Variants in CEP44 observed in about 807,000 individuals in gnomAD.
The protein encoded by CEP44 is centrosomal protein 44, also known as centrosomal protein of 44 kDa.
Under a neutral mutation model 46.7 loss-of-function variants are expected in CEP44, and 45 were observed. The ratio of observed to expected loss-of-function variants is 0.96; its 90% confidence interval spans 0.76 to 1.24. The LOEUF (loss-of-function observed/expected upper bound fraction) is 1.24, where lower values mean the gene tolerates loss of function less well. Ranked by LOEUF, CEP44 falls within the 50% of genes most tolerant of loss-of-function variation. The probability of loss-of-function intolerance (pLI) is 0.00; values close to 1 mark genes in which losing one functional copy is unlikely to be tolerated. For synonymous variants in CEP44, 142 were observed against 146.0 expected, an observed-to-expected ratio of 0.97 and a Z score of 0.20; for missense variants, 475 against 459.7, an observed-to-expected ratio of 1.03 and a Z score of -0.30.
At chr4:174,316,416 A>C in intron 10 of CEP44, 114 bp from the exon 11 acceptor site, 1 of 1,362,454 alleles carries the variant, frequency 7.3e-7, no homozygotes, top group Non-Finnish European at 1.0e-6. Context: ...ATTCTTTCAT[A>C]AGTAAACAGT....
At chr4:174,322,097 A>C (rs1742357357), downstream of CEP44, among the ~76,000 whole-genome samples, 1 of 152,174 alleles carries the variant, frequency 6.6e-6, no homozygotes, top group South Asian at 2.1e-4. Flanking sequence ...AGGACTTTTA[A>C]ATGAAGATCA....
In CEP44 at chr4:174,331,684, G is replaced by T; in HGVS notation, c.*89G>T. On this transcript the variant is annotated 3_prime_UTR_variant, in exon 9 of 9. Coordinates refer to the CEP44 transcript ENST00000426172. This position sits in a 1 kb window ranked among gnomAD's most constrained non-coding sequence, Gnocchi z 4.5. ...ATCCACGAAGTCCAGAATTCTGCCT[G>T]GAAACCAGCTTCCTCCTCAGCTCCA... is the stretch of plus-strand genomic sequence containing the variant. 1 of 1,459,322 alleles carries T rather than the reference G, an allele frequency of 6.9e-7. No individual in the cohort carries two copies. The highest frequency in any genetic ancestry group is 1.4e-5 in the South Asian group (1 of 69,784). The allele number at this position is 1,459,322 out of a possible 1,614,324, so 90.4% of individuals were successfully genotyped here. A position where few individuals can be genotyped will look rare whatever the true frequency, so the allele number is the denominator to read the frequency against.
intron 6 of CEP44, among the ~76,000 whole-genome samples, chr4:174,307,977 G>A (rs529611077): frequency 6.6e-6 from 1 of 152,068 alleles, no homozygotes; most frequent in Admixed American, 6.6e-5. Flanking sequence ...GTGAGTTTGT[G>A]GAAGAAAAGG....
chr4:174,324,510 A>G (rs1333894610), downstream of CEP44, among the ~76,000 whole-genome samples: 1 of 152,144 alleles, frequency 6.6e-6, no homozygotes, highest in Non-Finnish European at 1.5e-5. Flanking sequence ...TCCCACTAGC[A>G]ATGTATGAGA....
chr4:174,328,606 G>A (rs951972339), intron 8 of CEP44, among the ~76,000 whole-genome samples: 7 of 152,160 alleles, frequency 4.6e-5, no homozygotes, highest in African/African-American at 1.7e-4. Context: ...ATGAAGCATT[G>A]ATTAGAGTCT....
rs1262963573 is a variant in CEP44, at chr4:174,317,349, CAG to C, written c.1142_1143del (p.Glu381ValfsTer15). The C allele has an allele frequency of 3.6e-6, 5 of 1,392,766 alleles. No homozygotes were observed. Among genetic ancestry groups the C allele is most frequent in the African/African-American group, 2.9e-5 (2 of 69,324 alleles). The allele number at this position is 1,392,766 out of a possible 1,614,324, so 86.3% of individuals were successfully genotyped here. On this transcript the variant is annotated frameshift_variant, in exon 12 of 12. Coordinates refer to ENST00000503780, the MANE Select transcript of CEP44 (RefSeq NM_001040157.3). LOFTEE classifies it high-confidence loss of function. ...TTATATTTCAGGTTTGAAGAAACTG[CAG>C]AGTTACTGAAATGTCCAAATCACTA...
intron 6 of CEP44, among the ~76,000 whole-genome samples, chr4:174,307,862 A>G (rs1382223518): frequency 6.6e-6 from 1 of 152,216 alleles, no homozygotes; most frequent in Non-Finnish European, 1.5e-5. Context: ...AAAAAAACTC[A>G]ACATCACTGA....
At position 174,319,296 on chromosome 4, in the gene CEP44, T is replaced by A; in HGVS notation, c.*1913T>A. The A allele has an allele frequency of 1.0e-6, 1 of 976,524 alleles. No individual in the cohort carries two copies. The highest frequency in any genetic ancestry group is 1.2e-6 in the Non-Finnish European group (1 of 821,838). 60.5% of individuals were successfully genotyped at this position (976,524 alleles called of 1,614,324 possible). ...AATTAAGAGGTTAAGAGGTTATAGT[T>A]ATAAGGGAAAAAACTTCTGTATCGA... On this transcript the variant is annotated 3_prime_UTR_variant, in exon 12 of 12. Coordinates refer to ENST00000503780, the MANE Select transcript of CEP44 (RefSeq NM_001040157.3).
downstream of CEP44, among the ~76,000 whole-genome samples, chr4:174,320,686 GTGTGTGTGTGTGTGTGTA>G (rs900434959): frequency 6.8e-5 from 9 of 133,004 alleles, no homozygotes; most frequent in African/African-American, 1.6e-4. Context: ...AGTGTGCTCT[GTGTGTGTGTGTGTGTGTA>G]TGTGTGTGTG....
In CEP44 at chr4:174,288,325, T is replaced by G. The variant is rs1462603094; in HGVS notation, c.-148+4382T>G. Among the ~76,000 whole-genome samples, 1 of 152,172 alleles carries G rather than the reference T, an allele frequency of 6.6e-6. No individual in the cohort carries two copies. Among genetic ancestry groups the G allele is most frequent in the Non-Finnish European group, 1.5e-5 (1 of 68,014 alleles). ...CATTAGATCTAACTTCTTAGCAAAA[T>G]TTTAAGAATACAATATTGCTAATCA... On this transcript the variant is annotated intron_variant, in intron 1 of 11. Coordinates refer to ENST00000503780, the MANE Select transcript of CEP44 (RefSeq NM_001040157.3). The surrounding 1 kb of genome is among the most constrained non-coding windows in gnomAD (Gnocchi z 4.6).
chr4:174,307,557 G>A (rs766491362), intron 6 of CEP44, among the ~76,000 whole-genome samples: 1 of 152,182 alleles, frequency 6.6e-6, no homozygotes, highest in African/African-American at 2.4e-5. Flanking sequence ...TGTCGGCAAT[G>A]ATTTCATGAC....
intron 1 of CEP44, among the ~76,000 whole-genome samples, chr4:174,291,179 A>G (rs1738154822): frequency 6.6e-6 from 1 of 151,564 alleles, no homozygotes; most frequent in Admixed American, 6.6e-5. Context: ...AATTGTTTCC[A>G]TTTTATTCAT....
intron 4 of CEP44, among the ~76,000 whole-genome samples, chr4:174,302,970 G>C (rs891337496): frequency 7.2e-5 from 11 of 151,892 alleles, no homozygotes; most frequent in Non-Finnish European, 1.2e-4. Flanking sequence ...TTTTAGTAGA[G>C]AGGGTTTCAC....
Position 174,326,462 on chromosome 4 carries a change from T to C in CEP44, c.1087-5020T>C. On this transcript the variant is annotated intron_variant, in intron 8 of 8. Coordinates refer to the CEP44 transcript ENST00000426172. The surrounding 1 kb of genome is among the most constrained non-coding windows in gnomAD (Gnocchi z 4.8). ...CGCCAAGCCTTTTTTTGTCAAACAT[T>C]GACTTCTACATATGTTATAAACTGC... 6.6e-6 allele frequency among the ~76,000 whole-genome samples: 1 copy of C among 152,090 alleles called. No homozygotes were observed. The highest frequency in any genetic ancestry group is 2.1e-4 in the South Asian group (1 of 4,834).
Position 174,331,473 on chromosome 4 carries a change from C to G in CEP44, c.1087-9C>G, listed in dbSNP as rs1172332694. ...TATTTTAATGTATAATTTTGTGTTT[C>G]CTTTCTAGAATTTTCCTGCATGGAG... is the stretch of plus-strand genomic sequence containing the variant. On this transcript the variant is annotated splice_polypyrimidine_tract_variant and intron_variant, in intron 8 of 8. Coordinates refer to the CEP44 transcript ENST00000426172. This position sits in a 1 kb window ranked among gnomAD's most constrained non-coding sequence, Gnocchi z 4.5. 4.5e-6 allele frequency: 7 copies of G among 1,551,042 alleles called. No homozygotes were observed. The highest frequency in any genetic ancestry group is 4.4e-6 in the Non-Finnish European group (5 of 1,146,684).
chr4:174,293,706 T>G (rs1738502206), intron 1 of CEP44, among the ~76,000 whole-genome samples: 1 of 152,228 alleles, frequency 6.6e-6, no homozygotes, highest in African/African-American at 2.4e-5. Flanking sequence ...GTTAATTCTT[T>G]AGCATTTCCT....
intron 3 of CEP44, 44 bp downstream of exon 3, chr4:174,299,254 A>G (rs1220675299): frequency 6.7e-7 from 1 of 1,484,180 alleles, no homozygotes; most frequent in Non-Finnish European, 9.2e-7. Flanking sequence ...CTTGCTAGTG[A>G]TTTGAGATGA....
In CEP44 at chr4:174,319,310, CTT is replaced by C. The variant is rs1742076551; in HGVS notation, c.*1928_*1929del. 2.0e-6 allele frequency: 2 copies of C among 980,294 alleles called. No individual in the cohort carries two copies. Among genetic ancestry groups the C allele is most frequent in the African/African-American group, 3.5e-5 (2 of 57,082 alleles). The allele number at this position is 980,294 out of a possible 1,614,324, so 60.7% of individuals were successfully genotyped here. ...GAGGTTATAGTTATAAGGGAAAAAA[CTT>C]CTGTATCGATTAACTCCTAAAATAT... On this transcript the variant is annotated 3_prime_UTR_variant, in exon 12 of 12. Coordinates refer to ENST00000503780, the MANE Select transcript of CEP44 (RefSeq NM_001040157.3).
intron 11 of CEP44, among the ~76,000 whole-genome samples, chr4:174,316,933 G>A (rs1741794407): frequency 1.3e-5 from 2 of 151,752 alleles, no homozygotes; most frequent in South Asian, 2.1e-4. Context: ...CATTTTCAGT[G>A]TTGTGAAAAT....
Sources: allele counts gnomAD v4.1 joint callset (sites outside exome capture counted in the v4.1 genomes callset), GRCh38; gene constraint gnomAD v4.1.1; non-coding constraint Gnocchi (gnomAD v3.1); transcripts MANE v1.5; gene names NCBI Gene and HGNC (gene_info 2026-07-23, HGNC 2026-07-21).